Variants in TCF7L2 observed in about 807,000 individuals in gnomAD.
TCF7L2 encodes the protein transcription factor 7-like 2.
TCF7L2 carries 23 observed loss-of-function variants against 77.9 expected under a neutral mutation model. That is an observed-to-expected ratio of 0.30 (90% CI 0.21 to 0.42). The LOEUF is 0.42. TCF7L2 is among the 10% of genes least tolerant of loss of function. The pLI, the probability that TCF7L2 is intolerant of heterozygous loss-of-function variation, is 1.00. For synonymous variants in TCF7L2, 413 were observed against 340.2 expected (o/e 1.21, Z -2.36); for missense variants, 654 against 793.1 (o/e 0.82, Z 2.11).
intron 4 of TCF7L2, 55 bp from the exon 5 acceptor site, chr10:113,039,970 G>A (rs1049244498): frequency 2.0e-6 from 3 of 1,503,350 alleles, no homozygotes; most frequent in Admixed American, 3.5e-5. Context: ...TAGTTGTTCT[G>A]CATTTACTTT....
chr10:113,157,665 G>A (rs1039641452), intron 11 of TCF7L2: 1 of 214,024 alleles, frequency 4.7e-6, no homozygotes, highest in South Asian at 7.8e-5. Flanking sequence ...TGCTTGCAAC[G>A]CCATCATCCC....
At position 113,167,493 on chromosome 10, in the gene TCF7L2, A is replaced by AT. The variant is rs1386142182; in HGVS notation, c.*1527dup. 3 of 220,482 alleles carry AT rather than the reference A, an allele frequency of 1.4e-5. No homozygotes were observed. Among genetic ancestry groups the AT allele is most frequent in the African/African-American group, 4.5e-5 (2 of 44,598 alleles). 13.7% of individuals were successfully genotyped at this position (220,482 alleles called of 1,614,324 possible). ...GGTTTATTAAAATGCTAACTATAAC[A>AT]TTTTTTGTGAATACTTTGAATGTTT... On this transcript the variant is annotated 3_prime_UTR_variant, in exon 14 of 14. Transcript: ENST00000627217.
At chr10:112,980,718 C>G (rs2040318685) in intron 4 of TCF7L2, among the ~76,000 whole-genome samples, 1 of 152,014 alleles carries the variant, frequency 6.6e-6, no homozygotes, top group African/African-American at 2.4e-5. Context: ...AGCTCCGCCT[C>G]CCGGGTTCAT....
At chr10:113,129,827 T>C (rs1392047273) in intron 5 of TCF7L2, 1 of 1,288,858 alleles carries the variant, frequency 7.8e-7, no homozygotes, top group African/African-American at 1.5e-5. Flanking sequence ...ACAGAGAAAG[T>C]TTTTTTAGAG....
chr10:112,995,199 C>T (rs113141842), intron 4 of TCF7L2, among the ~76,000 whole-genome samples: 385 of 152,286 alleles, frequency 2.5e-3, no homozygotes, highest in African/African-American at 8.6e-3. Flanking sequence ...ACCCAGGCCT[C>T]GGGCCAGTGA....
chr10:113,131,647 T>C (rs908660971), intron 5 of TCF7L2, among the ~76,000 whole-genome samples: 25 of 152,214 alleles, frequency 1.6e-4, no homozygotes, highest in African/African-American at 6.0e-4. Flanking sequence ...GATACAGGTA[T>C]TATGATCTCT....
At chr10:112,973,873 G>A (rs1006329375) in intron 4 of TCF7L2, among the ~76,000 whole-genome samples, 3 of 152,112 alleles carry the variant, frequency 2.0e-5, no homozygotes, top group South Asian at 4.1e-4. Context: ...TATAGGTGGG[G>A]GCCACTGCAC....
intron 5 of TCF7L2, among the ~76,000 whole-genome samples, chr10:113,117,294 T>G (rs1340975699): frequency 6.6e-6 from 1 of 151,688 alleles, no homozygotes. Context: ...GGGAAAATAA[T>G]CAGGAAGATA....
chr10:113,165,330 CAGACTCTTAAAT>C (rs1189251771), intron 13 of TCF7L2, among the ~76,000 whole-genome samples: 1 of 152,122 alleles, frequency 6.6e-6, no homozygotes, highest in Non-Finnish European at 1.5e-5. Context: ...GTAGAGAGTT[CAGACTCTTAAAT>C]AAGTTGTTTG....
At chr10:112,953,032 A>G (rs1282016573) in intron 3 of TCF7L2, among the ~76,000 whole-genome samples, 1 of 152,004 alleles carries the variant, frequency 6.6e-6, no homozygotes, top group Non-Finnish European at 1.5e-5. Flanking sequence ...CGGTAACTCT[A>G]GATAGCAATT....
chr10:113,099,738 C>T (rs368649908), intron 5 of TCF7L2, among the ~76,000 whole-genome samples: 41 of 152,244 alleles, frequency 2.7e-4, no homozygotes, highest in African/African-American at 9.6e-4. Context: ...AGCCATCGCA[C>T]ACATGTAAAT....
chr10:112,983,430 G>A (rs2040873246), intron 4 of TCF7L2, among the ~76,000 whole-genome samples: 1 of 152,068 alleles, frequency 6.6e-6, no homozygotes, highest in South Asian at 2.1e-4. Context: ...AGCCGAGATC[G>A]CGCCACTGCA....
chr10:112,953,937 A>C (rs754152509), intron 3 of TCF7L2, among the ~76,000 whole-genome samples: 5 of 152,208 alleles, frequency 3.3e-5, no homozygotes, highest in Non-Finnish European at 7.3e-5. Flanking sequence ...CTTTGTGTAC[A>C]CTGCCCCTTC....
intron 5 of TCF7L2, among the ~76,000 whole-genome samples, chr10:113,065,386 C>T (rs2057114165): frequency 6.6e-6 from 1 of 152,172 alleles, no homozygotes; most frequent in South Asian, 2.1e-4. Flanking sequence ...GTTCCAGCTA[C>T]CCATGGTGTG....
intron 4 of TCF7L2, among the ~76,000 whole-genome samples, chr10:113,025,149 C>T (rs1418546946): frequency 6.6e-6 from 1 of 151,854 alleles, no homozygotes; most frequent in Non-Finnish European, 1.5e-5. Flanking sequence ...CCATGACCTC[C>T]TGGGCTCAAG....
chr10:113,045,423 A>G (rs550218274), intron 5 of TCF7L2, among the ~76,000 whole-genome samples: 1 of 152,306 alleles, frequency 6.6e-6, no homozygotes, highest in Admixed American at 6.5e-5. Context: ...AGAAGCTGGG[A>G]AAGAGACAAA....
At chr10:112,964,361 A>G (rs977121243) in intron 3 of TCF7L2, among the ~76,000 whole-genome samples, 195 bp from the exon 4 acceptor site, 6 of 151,918 alleles carry the variant, frequency 3.9e-5, no homozygotes, top group African/African-American at 1.2e-4. Context: ...AACAAAAACA[A>G]AAACAAAAAA....
intron 5 of TCF7L2, among the ~76,000 whole-genome samples, chr10:113,053,705 G>A (rs924215304): frequency 2.0e-5 from 3 of 152,212 alleles, no homozygotes; most frequent in Admixed American, 2.0e-4. Flanking sequence ...AATGGAGAGA[G>A]AAGTACACGA....
In TCF7L2 at chr10:113,149,828, C is replaced by A. The variant is rs188950261; in HGVS notation, c.876-1170C>A. ...GCTTCCCATCTGCTCACTTGAATCACCTTGCCAGGTTGGAGCAGGAGGCTG... is the reference window on the plus strand; with the variant it reads ...GCTTCCCATCTGCTCACTTGAATCAACTTGCCAGGTTGGAGCAGGAGGCTG... On this transcript the variant is annotated intron_variant, in intron 8 of 13. Coordinates refer to ENST00000627217, the MANE Select transcript of TCF7L2 (RefSeq NM_001146274.2). Among the ~76,000 whole-genome samples the A allele has an allele frequency of 4.6e-5, 7 of 152,316 alleles. No homozygotes were observed. The East Asian group carries it at 1.4e-3, about 29-fold the overall frequency.
Sources: allele counts gnomAD v4.1 joint callset (sites outside exome capture counted in the v4.1 genomes callset), GRCh38; gene constraint gnomAD v4.1.1; transcripts MANE v1.5; gene names NCBI Gene and HGNC (gene_info 2026-07-23, HGNC 2026-07-21).